Variants in PLXNB3 observed in about 807,000 individuals in gnomAD.
The protein encoded by PLXNB3 is plexin B3.
Under a neutral mutation model 125.7 loss-of-function variants are expected in PLXNB3, and 80 were observed. That is an observed-to-expected ratio of 0.64 (90% CI 0.53 to 0.77). The LOEUF is 0.77. Among genes scored for constraint, PLXNB3 ranks in the 30% least tolerant of loss-of-function variants. The pLI, the probability that PLXNB3 is intolerant of heterozygous loss-of-function variation, is 0.00. For synonymous variants in PLXNB3, 954 were observed against 783.3 expected (o/e 1.22, Z -3.64); for missense variants, 1,836 against 1,729.3 (o/e 1.06, Z -1.09).
At chrX:153,769,714 ACTCCAGCTGGGCCGGCCT>A (rs2091903239) in intron 6 of PLXNB3, 75 bp from the exon 7 acceptor site, 3 of 947,157 alleles carry the variant, frequency 3.2e-6, no homozygotes, top group African/African-American at 1.9e-5. Context: ...ACCCCACTGC[ACTCCAGCTGGGCCGGCCT>A]CCCCAGGCCC....
Position 153,769,795 on chromosome X carries a change from CCT to C in PLXNB3, c.1497-11_1497-10del. On this transcript the variant is annotated splice_polypyrimidine_tract_variant and intron_variant, in intron 6 of 35. Coordinates refer to ENST00000361971, the MANE Select transcript of PLXNB3 (RefSeq NM_005393.3). Reference sequence around the variant, plus strand: ...GACCCCCACGGTGACCTGATGGACCCCTGCCTGGCAGGTGTACCCGGAAGGGC... The same window carrying C: ...GACCCCCACGGTGACCTGATGGACCCGCCTGGCAGGTGTACCCGGAAGGGC... 8.3e-7 allele frequency: 1 copy of C among 1,201,969 alleles called. No homozygotes were observed. The highest frequency in any genetic ancestry group is 1.1e-6 in the Non-Finnish European group (1 of 891,775).
chrX:153,765,512 C>T lies in PLXNB3; in HGVS notation c.-24C>T, dbSNP rs201873424. On this transcript the variant is annotated 5_prime_UTR_variant, in exon 2 of 36. Transcript: ENST00000361971. ...AGCCATCTCATGCCCATCGCCACTG[C>T]CCTGGGGCAGCTGAACTGAGCGTAT... The T allele has an allele frequency of 3.0e-5, 36 of 1,184,459 alleles. No homozygotes were observed. In the African/African-American group the frequency reaches 4.6e-4, roughly 15 times the overall value.
rs937826324 is a variant in PLXNB3 at position 153,765,450 on chromosome X, G to T, written c.-65-21G>T. On this transcript the variant is annotated intron_variant, in intron 1 of 35. Transcript: ENST00000361971. ...GCCAGCTCGAATGGGGCTGAGCCTC[G>T]ACTGTCTCCCTCCCACTCAGGACAA... The T allele has an allele frequency of 2.7e-6, 3 of 1,103,045 alleles. No individual in the cohort carries two copies. The African/African-American group carries it at 5.4e-5, about 20-fold the overall frequency. The allele number at this position is 1,103,045 out of a possible 1,213,427, so 90.9% of individuals were successfully genotyped here.
At position 153,772,952 on chromosome X, in the gene PLXNB3, C is replaced by T. The variant is rs1557062523; in HGVS notation, c.2842C>T (p.Arg948Ter). 8.4e-7 allele frequency: 1 copy of T among 1,196,670 alleles called. No homozygotes were observed. Among genetic ancestry groups the T allele is most frequent in the Non-Finnish European group, 1.1e-6 (1 of 889,215 alleles). Residue 948 changes from arginine (R) to a stop codon, truncating the protein, a stop_gained, in exon 17 of 36, where the codon CGA (arginine) becomes TGA (stop). Coordinates refer to ENST00000361971, the MANE Select transcript of PLXNB3 (RefSeq NM_005393.3). LOFTEE classifies it high-confidence loss of function. ...PQAGGTQLTIRGQHLQTGGNT... is the reference protein window; with the variant it reads ...PQAGGTQLTI ...GGCAGGGGGCACCCAGCTCACCATC[C>T]GAGGTCAGCACCTCCAGACAGGTGG...
rs782245473 is a variant in PLXNB3 at position 153,772,178 on chromosome X, C to T, written c.2670-4C>T. On this transcript the variant is annotated splice_polypyrimidine_tract_variant and splice_region_variant and intron_variant, in intron 15 of 35. Coordinates refer to ENST00000361971, the MANE Select transcript of PLXNB3 (RefSeq NM_005393.3). ...TGAGCAGCTCCCAGGCCTCGGCTTT[C>T]CAGGATTGTGTGTGTGACATCTCCT... 3.3e-6 allele frequency: 4 copies of T among 1,204,598 alleles called. No individual in the cohort carries two copies. The highest frequency in any genetic ancestry group is 4.5e-6 in the Non-Finnish European group (4 of 890,889).
At position 153,767,581 on chromosome X, in the gene PLXNB3, G is replaced by A. The variant is rs782793837; in HGVS notation, c.754G>A (p.Gly252Arg). The A allele has an allele frequency of 1.7e-6, 2 of 1,173,072 alleles. No individual in the cohort carries two copies. Among genetic ancestry groups the A allele is most frequent in the South Asian group, 1.9e-5 (1 of 51,448 alleles). ...RSAYFVFRRR[G>R]ARAQAEYRSY... The stretch of plus-strand genomic sequence containing the variant: ...CGCCTACTTCGTGTTCCGCCGCCGC[G>A]GGGCCCGGGCCCAGGCTGAGTACCG... The change falls in exon 3 of 36, where the codon GGG (glycine) becomes AGG (arginine). Residue 252 changes from glycine to arginine, a missense_variant. Coordinates refer to ENST00000361971, the MANE Select transcript of PLXNB3 (RefSeq NM_005393.3).
In PLXNB3 at chrX:153,773,248, G is replaced by A. The variant is rs372170244; in HGVS notation, c.2925G>A (p.Pro975=). 1.0e-4 allele frequency: 124 copies of A among 1,207,081 alleles called. No individual in the cohort carries two copies. The South Asian group carries it at 1.5e-3, about 15-fold the overall frequency. ...CCTGCAGCCTGGAGCCAGTGTGTCC[G>A]GAGGCCATCGTGTGCCGTACCAGGC... ...QPCPILEPVC[P]EAIVCRTRPQ... is the part of the protein sequence containing the mutation. The change falls in exon 18 of 36, where the codon CCG becomes CCA. Residue 975 remains proline (P), a synonymous_variant. Transcript: ENST00000361971.
In PLXNB3 at chrX:153,770,910, G is replaced by C. The variant is rs369976674; in HGVS notation, c.2136+27G>C. On this transcript the variant is annotated intron_variant, in intron 11 of 35. Transcript: ENST00000361971. ...TGAGCCATCAGGAGGGAAGGGGACA[G>C]GGCAGTGAGGTCTGCCAACAGCGTG... 4.2e-6 allele frequency: 5 copies of C among 1,203,619 alleles called. No individual in the cohort carries two copies. The African/African-American group carries it at 8.7e-5, about 21-fold the overall frequency.
At position 153,772,977 on chromosome X, in the gene PLXNB3, G is replaced by A; in HGVS notation, c.2867G>A (p.Gly956Asp). 3 of 1,199,052 alleles carry A rather than the reference G, an allele frequency of 2.5e-6. No homozygotes were observed. Among genetic ancestry groups the A allele is most frequent in the African/African-American group, 1.7e-5 (1 of 57,481 alleles). ...TIRGQHLQTG[G>D]NTSAFVGGQP... Reference sequence around the variant, plus strand: ...CGAGGTCAGCACCTCCAGACAGGTGGCAACACCAGTGCCTTCGTGGGTGGC... The same window carrying A: ...CGAGGTCAGCACCTCCAGACAGGTGACAACACCAGTGCCTTCGTGGGTGGC... The change falls in exon 17 of 36, where the codon GGC (glycine) becomes GAC (aspartate). Residue 956 changes from glycine (G) to aspartate (D), a missense_variant. Physicochemically the swap from Gly to Asp is moderately conservative, Grantham distance 94. Transcript: ENST00000361971.
At chrX:153,774,622 C>T (rs371908884) in intron 22 of PLXNB3, 51 bp downstream of exon 22, 34 of 1,160,519 alleles carry the variant, frequency 2.9e-5, no homozygotes, top group African/African-American at 2.6e-4. Context: ...TTGGCAAGGG[C>T]GCCCTGGCAG....
At chrX:153,772,434 T>C in intron 16 of PLXNB3, 147 bp downstream of exon 16, 1 of 498,419 alleles carries the variant, frequency 2.0e-6, no homozygotes, top group South Asian at 3.4e-5. Context: ...GGCATGTGAG[T>C]GGAGGTGGGC....
At chrX:153,774,674 C>T in intron 22 of PLXNB3, 32 bp from the exon 23 acceptor site, 1 of 1,150,951 alleles carries the variant, frequency 8.7e-7, no homozygotes, top group East Asian at 3.1e-5. Flanking sequence ...CTGGCCCCGG[C>T]CCTGGCTGAT....
Position 153,774,001 on chromosome X carries a change from G to A in PLXNB3, c.3422G>A (p.Gly1141Asp). 8.3e-7 allele frequency: 1 copy of A among 1,208,216 alleles called. No individual in the cohort carries two copies. Residue 1141 changes from glycine to aspartate, a missense_variant, in exon 20 of 36, where the codon GGC becomes GAC. Coordinates refer to ENST00000361971, the MANE Select transcript of PLXNB3 (RefSeq NM_005393.3). ...VDFASASGGQGFLYQPNPRLA... is the reference protein window; with the variant it reads ...VDFASASGGQDFLYQPNPRLA... Reference sequence around the variant, plus strand: ...TTCGCCAGTGCCAGTGGGGGCCAGGGCTTCCTGTACCAGCCCAACCCCCGC... The same window carrying A: ...TTCGCCAGTGCCAGTGGGGGCCAGGACTTCCTGTACCAGCCCAACCCCCGC...
chrX:153,778,266 C>G lies in PLXNB3; in HGVS notation c.5415C>G (p.Ser1805=). ...TTSEHKVGRD[S]PVNKLLYARE... ...CTCCCCTCCCTCCGGAGCAGGATTC[C>G]CCAGTGAACAAACTGCTCTACGCCC... Residue 1805 remains serine (S), a synonymous_variant, in exon 33 of 36, where the codon TCC becomes TCG. Coordinates refer to ENST00000361971, the MANE Select transcript of PLXNB3 (RefSeq NM_005393.3). 1.7e-6 allele frequency: 2 copies of G among 1,197,863 alleles called. No individual in the cohort carries two copies. Among genetic ancestry groups the G allele is most frequent in the East Asian group, 3.0e-5 (1 of 33,605 alleles).
rs73640826 is a variant in PLXNB3 at position 153,772,387 on chromosome X, G to A, written c.2775+100G>A. On this transcript the variant is annotated intron_variant, in intron 16 of 35. Transcript: ENST00000361971. The stretch of plus-strand genomic sequence containing the variant: ...GGATGTCAAGCTGGGTCTGCGGGGA[G>A]CAGGAAGCACCGCTGCATGTCTAGG... The A allele has an allele frequency of 7.9e-3, 4,998 of 633,935 alleles. 182 individuals are homozygous for A. In the African/African-American group the frequency reaches 0.099, roughly 13 times the overall value. The allele number at this position is 633,935 out of a possible 1,213,427, so 52.2% of individuals were successfully genotyped here.
At position 153,777,937 on chromosome X, in the gene PLXNB3, T is replaced by C. The variant is rs1557065058; in HGVS notation, c.5262-11T>C. On this transcript the variant is annotated splice_polypyrimidine_tract_variant and intron_variant, in intron 31 of 35. Coordinates refer to ENST00000361971, the MANE Select transcript of PLXNB3 (RefSeq NM_005393.3). Reference sequence around the variant, plus strand: ...CAGGGCCTCACGCCCACGCCTGCCCTGCGCCCCCAGTCTGCTGCTGCGGTT... The same window carrying C: ...CAGGGCCTCACGCCCACGCCTGCCCCGCGCCCCCAGTCTGCTGCTGCGGTT... The C allele has an allele frequency of 8.3e-7, 1 of 1,202,080 alleles. No homozygotes were observed. Among genetic ancestry groups the C allele is most frequent in the East Asian group, 3.0e-5 (1 of 33,784 alleles).
chrX:153,767,299 C>T lies in PLXNB3; in HGVS notation c.472C>T (p.Pro158Ser), dbSNP rs781825936. Residue 158 changes from proline (P) to serine (S), a missense_variant, in exon 3 of 36, where the codon CCT (proline) becomes TCT (serine). Transcript: ENST00000361971. Reference protein sequence around the residue: ...VAEVLYQAEDPGDGQFVAANT... With the variant: ...VAEVLYQAEDSGDGQFVAANT... ...CGAGGTGCTGTACCAGGCTGAGGAC[C>T]CTGGTGACGGGCAGTTTGTGGCTGC... The T allele has an allele frequency of 8.3e-7, 1 of 1,206,369 alleles. No individual in the cohort carries two copies. Among genetic ancestry groups the T allele is most frequent in the Admixed American group, 2.2e-5 (1 of 45,655 alleles).
chrX:153,766,321 C>T (rs2091856870), intron 2 of PLXNB3: 1 of 1,155,466 alleles, frequency 8.7e-7, no homozygotes, highest in Non-Finnish European at 1.2e-6. Flanking sequence ...CCTGGCTGCC[C>T]AAGGCAGGTT....
rs1401881620 is a variant in PLXNB3, at chrX:153,767,067, G to A, written c.240G>A (p.Glu80=). The change falls in exon 3 of 36, where the codon GAG becomes GAA. Residue 80 remains glutamate (E), a synonymous_variant. Coordinates refer to ENST00000361971, the MANE Select transcript of PLXNB3 (RefSeq NM_005393.3). ...ACCGCCTCTTCCAGCTCAGCCCCGA[G>A]CTGCAGCTCGAGGCCGTGGCTGTCA... ...AVNRLFQLSP[E]LQLEAVAVTG... The A allele has an allele frequency of 8.3e-7, 1 of 1,209,673 alleles. No homozygotes were observed. The highest frequency in any genetic ancestry group is 1.1e-6 in the Non-Finnish European group (1 of 895,242).
Sources: gnomAD v4.1 joint callset for allele counts on GRCh38, gnomAD v4.1.1 for gene constraint, MANE v1.5 for transcripts, NCBI Gene and HGNC (gene_info 2026-07-23, HGNC 2026-07-21) for gene names.